The following PATJ variants were observed in gnomAD, a reference collection of about 807,000 sequenced individuals.
The protein encoded by PATJ is PATJ crumbs cell polarity complex component, also known as inaD-like protein.
Under a neutral mutation model 224.9 loss-of-function variants are expected in PATJ, and 190 were observed. That is an observed-to-expected ratio of 0.84 (90% CI 0.75 to 0.95). The LOEUF is 0.95. Among genes scored for constraint, PATJ ranks in the 40% least tolerant of loss-of-function variants. The pLI, the probability that PATJ is intolerant of heterozygous loss-of-function variation, is 0.00. For missense variants in PATJ, 2,121 were observed against 2,270.3 expected (o/e 0.93, Z 1.34); for synonymous variants, 769 against 820.3 (o/e 0.94, Z 1.07).
chr1:61,769,207 CA>C (rs1285385582), intron 4 of PATJ, 75 bp from the exon 5 acceptor site: 6 of 1,443,704 alleles, frequency 4.2e-6, no homozygotes, highest in Non-Finnish European at 5.6e-6. Context: ...TTATGCTAAG[CA>C]ATTTCAGTTC....
At chr1:62,006,759 A>G (rs1036572017) in intron 28 of PATJ, among the ~76,000 whole-genome samples, 6 of 152,222 alleles carry the variant, frequency 3.9e-5, no homozygotes, top group Non-Finnish European at 8.8e-5. Context: ...ACACAATGAA[A>G]ATCCGTTATA....
At chr1:61,819,077 C>G (rs941395910) in intron 14 of PATJ, among the ~76,000 whole-genome samples, 1 of 152,132 alleles carries the variant, frequency 6.6e-6, no homozygotes, top group Non-Finnish European at 1.5e-5. Context: ...CCTTTTTGCT[C>G]ACCTCCCACA....
intron 20 of PATJ, among the ~76,000 whole-genome samples, chr1:61,871,454 TGC>T (rs1491228897): frequency 1.9e-4 from 15 of 80,582 alleles, no homozygotes; most frequent in African/African-American, 4.6e-4. Flanking sequence ...CACATATATA[TGC>T]GTATATATAT....
rs145404607 is a variant in PATJ, at chr1:61,902,904, A to T, written c.3381+1445A>T. Among the ~76,000 whole-genome samples the T allele has an allele frequency of 3.1e-4, 47 of 152,244 alleles. 1 individual carries two copies. The East Asian group carries it at 8.9e-3, about 29-fold the overall frequency. On this transcript the variant is annotated intron_variant, in intron 24 of 43. Coordinates refer to ENST00000642238, the MANE Select transcript of PATJ (RefSeq NM_001350145.3). Reference sequence around the variant, plus strand: ...GACAAATATAGGAAATGAGAGAGTGAGCCATATAGATATATGGAGGAAGAA... The same window carrying T: ...GACAAATATAGGAAATGAGAGAGTGTGCCATATAGATATATGGAGGAAGAA...
In PATJ at chr1:62,018,069, C is replaced by T; in HGVS notation, c.3959+122C>T. ...ACTGTTCCTTCTAAAAACATATATT[C>T]CTTTTGTAACTGTCACTTCAAGAAA... On this transcript the variant is annotated intron_variant, in intron 29 of 43. Coordinates refer to ENST00000642238, the MANE Select transcript of PATJ (RefSeq NM_001350145.3). This position sits in a 1 kb window ranked among gnomAD's most constrained non-coding sequence, Gnocchi z 4.2. The T allele has an allele frequency of 1.8e-6, 1 of 557,422 alleles. No individual in the cohort carries two copies. Among genetic ancestry groups the T allele is most frequent in the Non-Finnish European group, 3.3e-6 (1 of 300,230 alleles). 34.5% of individuals were successfully genotyped at this position (557,422 alleles called of 1,614,324 possible).
intron 10 of PATJ, among the ~76,000 whole-genome samples, chr1:61,796,096 T>C (rs1220125085): frequency 6.6e-6 from 1 of 152,232 alleles, no homozygotes; most frequent in Non-Finnish European, 1.5e-5. Context: ...TACATATGTA[T>C]ACACACACAT....
chr1:62,072,598 G>C (rs1360769811), intron 31 of PATJ: 1 of 151,860 alleles, frequency 6.6e-6, no homozygotes, highest in Non-Finnish European at 1.5e-5. Context: ...CCTGGGAGGA[G>C]GGACCACCAA....
intron 18 of PATJ, among the ~76,000 whole-genome samples, chr1:61,856,956 G>A (rs1004214591): frequency 2.6e-5 from 4 of 152,094 alleles, no homozygotes; most frequent in African/African-American, 7.2e-5. Context: ...TGTCAAGATG[G>A]TATGATAAGT....
intron 16 of PATJ, among the ~76,000 whole-genome samples, chr1:61,828,515 A>G (rs999632157): frequency 2.0e-5 from 3 of 151,196 alleles, no homozygotes; most frequent in Non-Finnish European, 2.9e-5. Flanking sequence ...TCAGCCTCCC[A>G]AGTAGCTGGG....
intron 31 of PATJ, among the ~76,000 whole-genome samples, chr1:62,067,191 A>G (rs1047501754): frequency 6.8e-6 from 1 of 147,120 alleles, no homozygotes; most frequent in African/African-American, 2.5e-5. Flanking sequence ...CAGTGGTGCA[A>G]TCTTGGCTCA....
rs200344278 is a variant in PATJ, at chr1:61,771,426, T to C, written c.525-5T>C. On this transcript the variant is annotated splice_polypyrimidine_tract_variant and splice_region_variant and intron_variant, in intron 5 of 43. Transcript: ENST00000642238. ...TTAAAAAATTTCTTTTCTTACATGA[T>C]TAAGGGATCAAAGATTAAAGGAAAA... 6.4e-7 allele frequency: 1 copy of C among 1,570,742 alleles called. No individual in the cohort carries two copies. Among genetic ancestry groups the C allele is most frequent in the African/African-American group, 1.4e-5 (1 of 72,842 alleles).
At chr1:62,034,373 G>T (rs1311425438) in intron 29 of PATJ, among the ~76,000 whole-genome samples, 1 of 150,844 alleles carries the variant, frequency 6.6e-6, no homozygotes, top group Non-Finnish European at 1.5e-5. Context: ...AACCTGGGAG[G>T]TGGAGGCTGC....
intron 7 of PATJ, among the ~76,000 whole-genome samples, chr1:61,781,454 TGCTTTC>T (rs66493016): frequency 0.48 from 72,409 of 151,462 alleles, 17,402 homozygotes; most frequent in East Asian, 0.55. Flanking sequence ...GTCAATGTTA[TGCTTTC>T]TATAACTCAT....
chr1:61,937,665 T>C (rs969565041), intron 27 of PATJ, among the ~76,000 whole-genome samples: 42 of 151,050 alleles, frequency 2.8e-4, no homozygotes, highest in African/African-American at 9.4e-4. Flanking sequence ...TTTTTTTTTT[T>C]TTGAGACGGA....
At chr1:62,072,969 G>A in intron 31 of PATJ, 1 of 880,204 alleles carries the variant, frequency 1.1e-6, no homozygotes, top group Non-Finnish European at 1.4e-6. Context: ...AAATTGGAAA[G>A]TGCGGTTGAG....
chr1:62,058,564 A>C (rs2148627471), intron 31 of PATJ, among the ~76,000 whole-genome samples: 1 of 152,288 alleles, frequency 6.6e-6, no homozygotes, highest in Non-Finnish European at 1.5e-5. Context: ...ATTTTTCTTC[A>C]TCCAAAAATT....
intron 27 of PATJ, among the ~76,000 whole-genome samples, chr1:61,985,555 C>G (rs1017414516): frequency 6.6e-6 from 1 of 151,998 alleles, no homozygotes; most frequent in African/African-American, 2.4e-5. Context: ...TTTATTTTCT[C>G]AAACAGAAAC....
At chr1:62,003,685 C>CT (rs1645924939) in intron 28 of PATJ, among the ~76,000 whole-genome samples, 1 of 152,118 alleles carries the variant, frequency 6.6e-6, no homozygotes, top group Non-Finnish European at 1.5e-5. Flanking sequence ...ATTCAGAAGT[C>CT]TTTTTTCATT....
chr1:62,133,907 C>T (rs1267308676), intron 41 of PATJ, among the ~76,000 whole-genome samples: 4 of 151,954 alleles, frequency 2.6e-5, no homozygotes, highest in African/African-American at 4.8e-5. Flanking sequence ...CCACCATGCC[C>T]GGCTAATTTT....
Sources: allele counts gnomAD v4.1 joint callset (sites outside exome capture counted in the v4.1 genomes callset), GRCh38; gene constraint gnomAD v4.1.1; non-coding constraint Gnocchi (gnomAD v3.1); transcripts MANE v1.5; gene names NCBI Gene and HGNC (gene_info 2026-07-23, HGNC 2026-07-21).